The following MED6 variants were observed in gnomAD, a reference collection of about 807,000 sequenced individuals.
MED6 encodes mediator complex subunit 6.
MED6 carries 33 observed loss-of-function variants against 37.5 expected under a neutral mutation model. The ratio of observed to expected loss-of-function variants is 0.88; its 90% CI spans 0.67 to 1.18. MED6 has a LOEUF of 1.18. Among genes scored for constraint, MED6 ranks in the 50% most tolerant of loss-of-function variants. MED6 has a pLI of 0.00. For missense variants in MED6, 235 were observed against 290.6 expected (o/e 0.81, Z 1.39); for synonymous variants, 94 against 93.6 (o/e 1.00, Z -0.02).
chr14:70,593,929 G>T (rs185548182), intron 3 of MED6, among the ~76,000 whole-genome samples: 2 of 152,276 alleles, frequency 1.3e-5, no homozygotes, highest in African/African-American at 4.8e-5. Flanking sequence ...GGCTACTGCC[G>T]TCTTGTGTAA....
chr14:70,589,464 T>C (rs541774732), intron 6 of MED6, among the ~76,000 whole-genome samples: 5 of 152,324 alleles, frequency 3.3e-5, no homozygotes, highest in African/African-American at 7.2e-5. Flanking sequence ...CCATCAGCAA[T>C]AATTCTCAAC....
At chr14:70,588,001 G>C (rs557388888) in intron 6 of MED6, among the ~76,000 whole-genome samples, 1 of 152,160 alleles carries the variant, frequency 6.6e-6, no homozygotes, top group Non-Finnish European at 1.5e-5. Flanking sequence ...CCAACTGCTC[G>C]ATAAAATTGA....
chr14:70,593,068 T>C, intron 4 of MED6, 80 bp from the exon 5 acceptor site: 1 of 1,569,174 alleles, frequency 6.4e-7, no homozygotes, highest in South Asian at 1.1e-5. Context: ...AAATATTACA[T>C]ATGCAAAGAC....
intron 6 of MED6, among the ~76,000 whole-genome samples, chr14:70,590,034 T>C (rs1322889650): frequency 1.3e-5 from 2 of 152,252 alleles, no homozygotes; most frequent in Admixed American, 1.3e-4. Context: ...ATATAATCAA[T>C]ATTTTTAAAC....
At position 70,600,136 on chromosome 14, in the gene MED6, G is replaced by A. The variant is rs373505179; in HGVS notation, c.22+480C>T. ...CCATAATAATTGCTGGACGTTCGATGTAAAGTATTATCGACTCAAAAAAAA... is the reference window on the plus strand; with the variant it reads ...CCATAATAATTGCTGGACGTTCGATATAAAGTATTATCGACTCAAAAAAAA... On this transcript the variant is annotated intron_variant, in intron 1 of 7. Transcript: ENST00000256379. 8.6e-5 allele frequency among the ~76,000 whole-genome samples: 13 copies of A among 152,036 alleles called. No individual in the cohort carries two copies. The East Asian group carries it at 1.2e-3, about 13-fold the overall frequency.
At chr14:70,589,047 A>C (rs1386456930) in intron 6 of MED6, among the ~76,000 whole-genome samples, 2 of 152,186 alleles carry the variant, frequency 1.3e-5, no homozygotes, top group Admixed American at 1.3e-4. Context: ...GGACTCAAAT[A>C]CAACAGCAAA....
intron 6 of MED6, among the ~76,000 whole-genome samples, chr14:70,587,303 G>A (rs1485615854): frequency 3.3e-5 from 5 of 152,122 alleles, no homozygotes; most frequent in Admixed American, 3.3e-4. Context: ...CTATATTATA[G>A]CAATAAATCT....
chr14:70,585,336 T>C (rs1179443309), intron 7 of MED6, among the ~76,000 whole-genome samples: 1 of 152,120 alleles, frequency 6.6e-6, no homozygotes, highest in East Asian at 1.9e-4. Context: ...CAATACCTAC[T>C]TTTTCCCTCC....
chr14:70,598,596 T>C (rs2139605507), intron 1 of MED6, among the ~76,000 whole-genome samples: 1 of 152,140 alleles, frequency 6.6e-6, no homozygotes, highest in African/African-American at 2.4e-5. Flanking sequence ...AAATAAAAAC[T>C]TACACAGAGA....
intron 3 of MED6, among the ~76,000 whole-genome samples, chr14:70,593,643 T>C (rs999327031): frequency 2.0e-4 from 30 of 152,196 alleles, no homozygotes; most frequent in African/African-American, 7.0e-4. Context: ...TCAGAAAAAG[T>C]ATGCCCACTG....
At chr14:70,584,990 G>C in intron 7 of MED6, 47 bp from the exon 8 acceptor site, 2 of 1,585,412 alleles carry the variant, frequency 1.3e-6, no homozygotes, top group South Asian at 1.1e-5. Flanking sequence ...TGGGTGGGGG[G>C]AATGAGATAA....
Position 70,585,759 on chromosome 14 carries a change from G to A in MED6, c.607C>T (p.Pro203Ser). 1.3e-6 allele frequency: 2 copies of A among 1,599,950 alleles called. No individual in the cohort carries two copies. Among genetic ancestry groups the A allele is most frequent in the Non-Finnish European group, 1.7e-6 (2 of 1,174,394 alleles). Residue 203 changes from proline (P) to serine (S), a missense_variant, in exon 7 of 8, where the codon CCA becomes TCA. Physicochemically the swap from Pro to Ser is moderately conservative, Grantham distance 74. Transcript: ENST00000256379. The stretch of plus-strand genomic sequence containing the variant: ...AAGAATATTACATGAACCATACCTG[G>A]AACAGGCTTTTCTCCAGGCTTTAGC... ...VQLKPGEKPVPVDQTKKEAEP... is the reference protein window; with the variant it reads ...VQLKPGEKPVSVDQTKKEAEP...
rs772366830 is a variant in MED6 at position 70,585,787 on chromosome 14, T to C, written c.583-4A>G. On this transcript the variant is annotated splice_polypyrimidine_tract_variant and splice_region_variant and intron_variant, in intron 6 of 7. Coordinates refer to ENST00000256379, the MANE Select transcript of MED6 (RefSeq NM_005466.4). ...CAGGCTTTTCTCCAGGCTTTAGCTATAATTTTTTAGAAAAAAGGGAGGGAG... is the reference window on the plus strand; with the variant it reads ...CAGGCTTTTCTCCAGGCTTTAGCTACAATTTTTTAGAAAAAAGGGAGGGAG... 2 of 1,600,480 alleles carry C rather than the reference T, an allele frequency of 1.2e-6. No individual in the cohort carries two copies. The highest frequency in any genetic ancestry group is 8.5e-7 in the Non-Finnish European group (1 of 1,175,046).
intron 1 of MED6, among the ~76,000 whole-genome samples, chr14:70,600,336 G>A (rs1356322563): frequency 6.6e-6 from 1 of 151,792 alleles, no homozygotes. Context: ...TGTTGTTGCA[G>A]AGATACGTGT....
chr14:70,595,914 G>A (rs1481343109), intron 3 of MED6: 4 of 525,764 alleles, frequency 7.6e-6, no homozygotes, highest in Non-Finnish European at 1.0e-5. Context: ...TACTTGGGAT[G>A]CTTGACGTTC....
intron 1 of MED6, 30 bp downstream of exon 1, chr14:70,600,586 C>G: frequency 6.2e-7 from 1 of 1,612,916 alleles, no homozygotes; most frequent in East Asian, 2.2e-5. Flanking sequence ...CACAGACAAT[C>G]AAGAGACAAA....
intron 5 of MED6, chr14:70,591,938 G>C (rs1294322941): frequency 6.6e-6 from 1 of 152,550 alleles, no homozygotes; most frequent in Non-Finnish European, 1.5e-5. Flanking sequence ...GCCCTTGGGA[G>C]GGAGGTGTAT....
intron 3 of MED6, chr14:70,594,771 G>A: frequency 1.4e-5 from 8 of 560,282 alleles, no homozygotes; most frequent in South Asian, 1.2e-4. Flanking sequence ...GCAGGAATGG[G>A]AGGCATCCAG....
chr14:70,591,289 T>C lies in MED6; in HGVS notation c.559A>G (p.Lys187Glu). 1 of 1,612,104 alleles carries C rather than the reference T, an allele frequency of 6.2e-7. No homozygotes were observed. Among genetic ancestry groups the C allele is most frequent in the Non-Finnish European group, 8.5e-7 (1 of 1,179,398 alleles). The part of the protein sequence containing the change: ...VDALLLDLRQ[K>E]FPPKFVQLKP... ...ACCTGCACAAATTTGGGTGGAAATT[T>C]TTGTCTGAGGTCTAAAAGTAAAGCA... is the stretch of plus-strand genomic sequence containing the variant. Residue 187 changes from lysine to glutamate, a missense_variant, in exon 6 of 8, where the codon AAA becomes GAA. Physicochemically the swap from Lys to Glu is moderately conservative, Grantham distance 56 (BLOSUM62 1). Transcript: ENST00000256379.
Sources: allele counts gnomAD v4.1 joint callset (sites outside exome capture counted in the v4.1 genomes callset), GRCh38; gene constraint gnomAD v4.1.1; transcripts MANE v1.5; gene names NCBI Gene and HGNC (gene_info 2026-07-23, HGNC 2026-07-21).